The following ITGAE variants were observed in gnomAD, a reference collection of about 807,000 sequenced individuals.
ITGAE encodes integrin alpha-E.
ITGAE carries 99 observed loss-of-function variants against 136.5 expected under a neutral mutation model. That is an observed-to-expected ratio of 0.73 (90% CI 0.62 to 0.86). The LOEUF is 0.86. Among genes scored for constraint, ITGAE ranks in the 40% least tolerant of loss-of-function variants. ITGAE has a pLI of 0.00. For synonymous variants in ITGAE, 613 were observed against 591.8 expected (o/e 1.04, Z -0.52); for missense variants, 1,447 against 1,515.3 (o/e 0.95, Z 0.75).
chr17:3,775,149 C>G (rs1481393915), intron 2 of ITGAE, among the ~76,000 whole-genome samples: 1 of 152,126 alleles, frequency 6.6e-6, no homozygotes, highest in Admixed American at 6.6e-5. Flanking sequence ...CAGGGTCTCA[C>G]TGTGTTACCC....
chr17:3,771,897 T>C (rs1300217245), intron 2 of ITGAE, among the ~76,000 whole-genome samples: 8 of 152,074 alleles, frequency 5.3e-5, no homozygotes, highest in African/African-American at 1.9e-4. Context: ...AAACACAATC[T>C]TGACCTTTAA....
chr17:3,731,825 C>T (rs1264399710), intron 22 of ITGAE, among the ~76,000 whole-genome samples: 3 of 151,684 alleles, frequency 2.0e-5, no homozygotes, highest in Non-Finnish European at 4.4e-5. Context: ...GTCATCCCAG[C>T]ACTTTGGGAG....
chr17:3,717,803 T>C (rs1286725217), intron 29 of ITGAE: 1 of 152,086 alleles, frequency 6.6e-6, no homozygotes, highest in Non-Finnish European at 1.5e-5. Context: ...AGTGAAGTCC[T>C]AGGCTTTGAG....
intron 1 of ITGAE, among the ~76,000 whole-genome samples, chr17:3,794,343 T>C (rs1295633641): frequency 6.6e-6 from 1 of 151,850 alleles, no homozygotes; most frequent in Non-Finnish European, 1.5e-5. Context: ...TGGACTCAAA[T>C]TCCTGGGCTC....
chr17:3,796,134 CATGTGTGTGCATCCGT>C (rs2053089969), intron 1 of ITGAE, among the ~76,000 whole-genome samples: 1 of 29,004 alleles, frequency 3.4e-5, no homozygotes, highest in African/African-American at 1.8e-4. Context: ...TGTGTGCATC[CATGTGTGTGCATCCGT>C]GTGTGTGTGT....
intron 19 of ITGAE, among the ~76,000 whole-genome samples, chr17:3,740,986 C>T (rs138238110): frequency 5.0e-4 from 76 of 150,932 alleles, no homozygotes; most frequent in African/African-American, 1.8e-3. Flanking sequence ...CTACTTCCTG[C>T]GGAAGGGGGA....
At chr17:3,723,942 G>A (rs2051131611) in intron 26 of ITGAE, 198 bp from the exon 27 acceptor site, 1 of 1,552,808 alleles carries the variant, frequency 6.4e-7, no homozygotes, top group Non-Finnish European at 8.7e-7. Context: ...GGCCATGGCG[G>A]CTTCGCTCCC....
intron 1 of ITGAE, among the ~76,000 whole-genome samples, chr17:3,780,779 C>T (rs1006174415): frequency 2.0e-5 from 3 of 152,110 alleles, no homozygotes; most frequent in Non-Finnish European, 4.4e-5. Flanking sequence ...TGGTTCCCTA[C>T]AGTCTTTACC....
In ITGAE at chr17:3,798,641, CG is replaced by C. The variant is rs2053179271; in HGVS notation, c.34+2469del. 6.6e-6 allele frequency among the ~76,000 whole-genome samples: 1 copy of C among 152,182 alleles called. No individual in the cohort carries two copies. Among genetic ancestry groups the C allele is most frequent in the African/African-American group, 2.4e-5 (1 of 41,442 alleles). On this transcript the variant is annotated intron_variant, in intron 1 of 30. Coordinates refer to ENST00000263087, the MANE Select transcript of ITGAE (RefSeq NM_002208.5). This position sits in a 1 kb window ranked among gnomAD's most constrained non-coding sequence, Gnocchi z 4.3. ...CCCGGCACAGCCCCTGGCCTCAGCC[CG>C]AGTGCGTGCCACCAGCAGAGCGGGC...
intron 21 of ITGAE, among the ~76,000 whole-genome samples, chr17:3,733,076 C>T (rs1278012469): frequency 6.6e-6 from 1 of 152,094 alleles, no homozygotes; most frequent in Non-Finnish European, 1.5e-5. Context: ...CTCCACCTCC[C>T]GGGTTCAAGC....
intron 1 of ITGAE, among the ~76,000 whole-genome samples, chr17:3,788,639 T>C (rs542287317): frequency 4.0e-5 from 6 of 150,220 alleles, no homozygotes; most frequent in African/African-American, 1.5e-4. Context: ...AATATGAACA[T>C]TTACTGATCT....
chr17:3,723,930 C>G (rs1020496481), intron 26 of ITGAE, 186 bp from the exon 27 acceptor site: 3 of 1,543,300 alleles, frequency 1.9e-6, no homozygotes, highest in African/African-American at 2.8e-5. Context: ...TTGGCGGGTG[C>G]CGGCCATGGC....
Position 3,777,661 on chromosome 17 carries a change from C to T in ITGAE, c.35-1G>A. 1 of 1,607,488 alleles carries T rather than the reference C, an allele frequency of 6.2e-7. No individual in the cohort carries two copies. Among genetic ancestry groups the T allele is most frequent in the Non-Finnish European group, 8.5e-7 (1 of 1,177,162 alleles). ...TTGAAAGCGGCCAGCAGGGCCAGGC[C>T]TGTAGGGAAAAGAGGAGCGTTTAAT... On this transcript the variant is annotated splice_acceptor_variant, in intron 1 of 30. Coordinates refer to ENST00000263087, the MANE Select transcript of ITGAE (RefSeq NM_002208.5). LOFTEE classifies it high-confidence loss of function.
chr17:3,741,070 AT>A (rs58434003), intron 19 of ITGAE, among the ~76,000 whole-genome samples: 9,558 of 76,564 alleles, frequency 0.12, 328 homozygotes, highest in African/African-American at 0.29. Flanking sequence ...TTTTTGTTGT[AT>A]TTTTTTTTTT....
At chr17:3,737,322 A>C (rs543775009) in intron 20 of ITGAE, among the ~76,000 whole-genome samples, 2 of 152,090 alleles carry the variant, frequency 1.3e-5, no homozygotes, top group Non-Finnish European at 2.9e-5. Context: ...AAAAGACAAC[A>C]GTAGTGGAGA....
intron 26 of ITGAE, among the ~76,000 whole-genome samples, chr17:3,727,165 T>A (rs1382292157): frequency 6.6e-6 from 1 of 152,012 alleles, no homozygotes; most frequent in African/African-American, 2.4e-5. Context: ...AGCCTGTTGC[T>A]TCAGGTATCA....
At chr17:3,783,495 GACAAT>G (rs2052710961) in intron 1 of ITGAE, among the ~76,000 whole-genome samples, 1 of 152,190 alleles carries the variant, frequency 6.6e-6, no homozygotes, top group South Asian at 2.1e-4. Context: ...AAACCTTCAT[GACAAT>G]ACATTTTATA....
At chr17:3,779,718 T>C (rs1397556905) in intron 1 of ITGAE, among the ~76,000 whole-genome samples, 3 of 152,230 alleles carry the variant, frequency 2.0e-5, no homozygotes, top group Non-Finnish European at 4.4e-5. Context: ...TCAAAAGTGT[T>C]GACAATTGTC....
intron 1 of ITGAE, among the ~76,000 whole-genome samples, chr17:3,789,527 G>A (rs1336086368): frequency 1.5e-5 from 2 of 133,660 alleles, no homozygotes; most frequent in African/African-American, 5.6e-5. Flanking sequence ...TTGAGATGGA[G>A]TCTCGCTCTG....
Sources: gnomAD v4.1 joint callset for allele counts (sites outside exome capture counted in the v4.1 genomes callset) on GRCh38, gnomAD v4.1.1 for gene constraint, Gnocchi (gnomAD v3.1) non-coding constraint, MANE v1.5 for transcripts, NCBI Gene and HGNC (gene_info 2026-07-23, HGNC 2026-07-21) for gene names.